The following CDK13 variants were observed in gnomAD, a reference collection of about 807,000 sequenced individuals.
The protein encoded by CDK13 is cyclin-dependent kinase 13.
Under a neutral mutation model 137.6 loss-of-function variants are expected in CDK13, and 40 were observed. The observed-to-expected ratio is 0.29, with a 90% CI of 0.23 to 0.38. The LOEUF is 0.38. Among genes scored for constraint, CDK13 ranks in the 10% least tolerant of loss-of-function variants. The probability of loss-of-function intolerance (pLI) is 1.00; values close to 1 mark genes in which losing one functional copy is unlikely to be tolerated. For synonymous variants in CDK13, 869 were observed against 760.1 expected (o/e 1.14, Z -2.36); for missense variants, 1,704 against 1,951.8 (o/e 0.87, Z 2.39).
chr7:39,997,247 T>C (rs1284390550), intron 2 of CDK13, among the ~76,000 whole-genome samples: 1 of 152,184 alleles, frequency 6.6e-6, no homozygotes, highest in East Asian at 1.9e-4. Context: ...AAGTTATCAT[T>C]AAAGTTCCTA....
At chr7:39,952,008 C>A (rs930231882) in intron 1 of CDK13, 156 bp downstream of exon 1, 1 of 723,830 alleles carries the variant, frequency 1.4e-6, no homozygotes, top group Non-Finnish European at 1.9e-6. Context: ...GGCGTTTTCG[C>A]GCGCGTGACA....
chr7:40,030,487 CAGT>C (rs1267930793), intron 5 of CDK13, among the ~76,000 whole-genome samples: 1 of 126,984 alleles, frequency 7.9e-6, no homozygotes, highest in Admixed American at 1.0e-4. Flanking sequence ...GGCTGGAGTG[CAGT>C]TGTGCCATTT....
intron 5 of CDK13, among the ~76,000 whole-genome samples, chr7:40,012,216 A>G (rs1012253058): frequency 6.6e-6 from 1 of 152,198 alleles, no homozygotes; most frequent in Non-Finnish European, 1.5e-5. Flanking sequence ...CAGAGAGAGT[A>G]CAATGGTGCA....
Position 39,951,340 on chromosome 7 carries a change from C to T in CDK13, c.699C>T (p.Ser233=), listed in dbSNP as rs1227295822. The change falls in exon 1 of 14, where the codon AGC becomes AGT. Residue 233 remains serine (S), a synonymous_variant. Coordinates refer to ENST00000181839, the MANE Select transcript of CDK13 (RefSeq NM_003718.5). ...GCAGCGAGGCCTCCAAGTCCCGCAG[C>T]CGCCACAGCCACAGCGGCGAGGAAC... The part of the protein sequence containing the change: ...RGGSEASKSR[S]RHSHSGEERA... 2.1e-6 allele frequency: 3 copies of T among 1,453,928 alleles called. No individual in the cohort carries two copies. The highest frequency in any genetic ancestry group is 2.7e-5 in the South Asian group (2 of 73,696). The allele number at this position is 1,453,928 out of a possible 1,614,324, so 90.1% of individuals were successfully genotyped here.
intron 1 of CDK13, among the ~76,000 whole-genome samples, chr7:39,976,343 ACAC>A (rs1784111857): frequency 7.0e-6 from 1 of 143,688 alleles, no homozygotes; most frequent in Non-Finnish European, 1.5e-5. Flanking sequence ...ACACACACAC[ACAC>A]ACACACACAC....
intron 2 of CDK13, among the ~76,000 whole-genome samples, chr7:39,992,772 A>G (rs969220343): frequency 6.6e-6 from 1 of 151,574 alleles, no homozygotes; most frequent in Non-Finnish European, 1.5e-5. Flanking sequence ...TCTTCTTGGT[A>G]TCGTTTAACT....
chr7:40,073,013 A>G (rs1263043120), intron 9 of CDK13: 1 of 152,226 alleles, frequency 6.6e-6, no homozygotes, highest in Non-Finnish European at 1.5e-5. Context: ...TTAACAGGAA[A>G]TATGTGTGAA....
intron 1 of CDK13, among the ~76,000 whole-genome samples, chr7:39,961,017 AT>A (rs139554181): frequency 2.8e-4 from 42 of 150,654 alleles, no homozygotes; most frequent in African/African-American, 4.6e-4. Flanking sequence ...TTTTAAAATA[AT>A]TTTTTTTTTA....
chr7:40,083,542 A>G (rs539662749), intron 11 of CDK13, among the ~76,000 whole-genome samples: 1 of 152,174 alleles, frequency 6.6e-6, no homozygotes, highest in Non-Finnish European at 1.5e-5. Context: ...ATTGTTTCTT[A>G]ATTATGTTTT....
intron 1 of CDK13, among the ~76,000 whole-genome samples, chr7:39,963,670 T>G (rs943481160): frequency 5.9e-5 from 9 of 152,120 alleles, no homozygotes; most frequent in Non-Finnish European, 7.4e-5. Flanking sequence ...TGTTGAATAG[T>G]AGTGGTGAGA....
At chr7:39,964,069 G>T (rs1480085833) in intron 1 of CDK13, among the ~76,000 whole-genome samples, 4 of 152,180 alleles carry the variant, frequency 2.6e-5, no homozygotes, top group African/African-American at 9.7e-5. Context: ...AGGGATATTG[G>T]TCTAAAATTC....
At position 40,093,246 on chromosome 7, in the gene CDK13, G is replaced by T; in HGVS notation, c.3688+9G>T. The T allele has an allele frequency of 1.3e-6, 2 of 1,596,454 alleles. No homozygotes were observed. The highest frequency in any genetic ancestry group is 1.7e-6 in the Non-Finnish European group (2 of 1,168,836). On this transcript the variant is annotated intron_variant, in intron 13 of 13. Transcript: ENST00000181839. ...TAGCACTCCGGTGTCGGGTAAGTGT[G>T]CAGATACCAGACCACTAACACAGCT...
chr7:40,049,426 T>G (rs924337862), intron 7 of CDK13, among the ~76,000 whole-genome samples: 19 of 151,592 alleles, frequency 1.3e-4, no homozygotes, highest in Admixed American at 3.3e-4. Context: ...TTTTTGAAGT[T>G]TAAAACTGTT....
At chr7:40,080,463 T>A (rs564462358) in intron 11 of CDK13, among the ~76,000 whole-genome samples, 57 of 152,330 alleles carry the variant, frequency 3.7e-4, no homozygotes, top group African/African-American at 1.3e-3. Context: ...ATTATATTTC[T>A]ATGAGGCTGT....
intron 5 of CDK13, among the ~76,000 whole-genome samples, chr7:40,027,205 C>T (rs1009492002): frequency 1.3e-5 from 2 of 152,028 alleles, no homozygotes; most frequent in Admixed American, 6.6e-5. Context: ...ATTTGCTGGA[C>T]GTGGTGGCGT....
Position 39,976,323 on chromosome 7 carries a change from T to TCTCTCTCTCTCTCA in CDK13, c.1212-11275_1212-11274insTCTCTCTCTCTCAC. On this transcript the variant is annotated intron_variant, in intron 1 of 13. Transcript: ENST00000181839. ...CTCTCTCTCTCTCTCTCTCTCTCTC[T>TCTCTCTCTCTCTCA]CACACACACACACACACACACACAC... 7.7e-3 allele frequency among the ~76,000 whole-genome samples: 306 copies of TCTCTCTCTCTCTCA among 39,568 alleles called. 9 individuals carry two copies. Among genetic ancestry groups the TCTCTCTCTCTCTCA allele is most frequent in the Non-Finnish European group, 0.01 (179 of 17,106 alleles). The allele number at this position is 39,568 out of a possible 152,430, so 26.0% of individuals were successfully genotyped here. A position where few individuals can be genotyped will look rare whatever the true frequency, so the allele number is the denominator to read the frequency against.
chr7:40,029,641 G>C (rs575200718), intron 5 of CDK13, among the ~76,000 whole-genome samples: 1 of 150,698 alleles, frequency 6.6e-6, no homozygotes. Flanking sequence ...GAGAGAGAGA[G>C]AAAAGATTCT....
chr7:39,951,655 C>T lies in CDK13; in HGVS notation c.1014C>T (p.Arg338=), dbSNP rs774951264. The change falls in exon 1 of 14, where the codon CGC becomes CGT. Residue 338 remains arginine, a synonymous_variant. Coordinates refer to ENST00000181839, the MANE Select transcript of CDK13 (RefSeq NM_003718.5). ...GGGCCTCTCAGAGCCTGAGGAGCCG[C>T]AAGTCCCCCAGCCCGGCAGGAGGTG... ...SHRASQSLRS[R]KSPSPAGGGS... is the part of the protein sequence containing the mutation. 3.4e-6 allele frequency: 5 copies of T among 1,478,106 alleles called. No individual in the cohort carries two copies. The highest frequency in any genetic ancestry group is 4.5e-6 in the Non-Finnish European group (5 of 1,119,040). The allele number at this position is 1,478,106 out of a possible 1,614,324, so 91.6% of individuals were successfully genotyped here.
intron 5 of CDK13, among the ~76,000 whole-genome samples, chr7:40,035,951 C>G (rs1343379426): frequency 1.3e-5 from 2 of 151,894 alleles, no homozygotes; most frequent in Non-Finnish European, 2.9e-5. Flanking sequence ...GCTTGAGCCC[C>G]CAGGAGTTTG....
Sources: gnomAD v4.1 joint callset for allele counts (sites outside exome capture counted in the v4.1 genomes callset) on GRCh38, gnomAD v4.1.1 for gene constraint, MANE v1.5 for transcripts, NCBI Gene and HGNC (gene_info 2026-07-23, HGNC 2026-07-21) for gene names.